Variants in NLRP2 observed in about 807,000 individuals in gnomAD.
NLRP2 encodes NACHT, LRR and PYD domains-containing protein 2.
Under a neutral mutation model 97.2 loss-of-function variants are expected in NLRP2, and 107 were observed. The observed-to-expected ratio is 1.10, with a 90% CI of 0.94 to 1.29. NLRP2 has a LOEUF of 1.29. Among genes scored for constraint, NLRP2 ranks in the 50% most tolerant of loss-of-function variants. NLRP2 has a pLI of 0.00. For missense variants in NLRP2, 1,495 were observed against 1,330.3 expected (o/e 1.12, Z -1.93); for synonymous variants, 663 against 551.5 (o/e 1.20, Z -2.83).
At chr19:54,990,918 A>T (rs752669900) in intron 10 of NLRP2, 4 of 548,906 alleles carry the variant, frequency 7.3e-6, no homozygotes, top group African/African-American at 5.8e-5. Flanking sequence ...TTTCCTCTTT[A>T]TGTATGTATG....
chr19:55,000,401 T>C (rs374223763), intron 12 of NLRP2, among the ~76,000 whole-genome samples: 5 of 141,468 alleles, frequency 3.5e-5, no homozygotes, highest in Non-Finnish European at 7.6e-5. Flanking sequence ...CTCAGCCTCC[T>C]GAGTAGCTGG....
At chr19:54,969,130 A>G (rs2070681065) in intron 1 of NLRP2, among the ~76,000 whole-genome samples, 1 of 152,022 alleles carries the variant, frequency 6.6e-6, no homozygotes, top group African/African-American at 2.4e-5. Context: ...ACTTTGCTAT[A>G]ATGAGAGAGT....
chr19:54,975,695 G>T (rs1237016681), intron 3 of NLRP2, among the ~76,000 whole-genome samples: 1 of 151,732 alleles, frequency 6.6e-6, no homozygotes, highest in Non-Finnish European at 1.5e-5. Flanking sequence ...CTTGTGATCC[G>T]CCCGCCTCGG....
chr19:54,983,636 C>G lies in NLRP2; in HGVS notation c.1938C>G (p.His646Gln), dbSNP rs201621704. 1 of 1,614,174 alleles carries G rather than the reference C, an allele frequency of 6.2e-7. No individual in the cohort carries two copies. The highest frequency in any genetic ancestry group is 8.5e-7 in the Non-Finnish European group (1 of 1,180,046). Residue 646 changes from histidine (H) to glutamine (Q), a missense_variant, in exon 6 of 13, where the codon CAC (histidine) becomes CAG (glutamine). Transcript: ENST00000448584. ...TGCCATCTTCATTCTGCGTCAAGCA[C>G]TGTCGAAACCTGCAGAAAATGTCAC... The part of the protein sequence containing the change: ...DVVPSSFCVK[H>Q]CRNLQKMSLQ...
At chr19:54,997,756 CCTT>C (rs765418699) in intron 12 of NLRP2, among the ~76,000 whole-genome samples, 6 of 150,588 alleles carry the variant, frequency 4.0e-5, no homozygotes, top group Admixed American at 3.3e-4. Flanking sequence ...CACCCGGCCA[CCTT>C]TTTTTTTTTT....
rs1417859318 is a variant in NLRP2 at position 54,981,654 on chromosome 19, TA to T, written c.438del (p.Glu147LysfsTer18). ...ETKGNVICLG[K>X]EVFKGKKPDK... ...CGAAAGGAAATGTCATCTGCCTGGG[TA>T]AAGAAGTCTTTAAAGGAAAAAAGCC... On this transcript the variant is annotated frameshift_variant, in exon 5 of 13. Coordinates refer to ENST00000448584, the MANE Select transcript of NLRP2 (RefSeq NM_017852.5). LOFTEE classifies it high-confidence loss of function. 1 of 1,596,118 alleles carries T rather than the reference TA, an allele frequency of 6.3e-7. No homozygotes were observed. Among genetic ancestry groups the T allele is most frequent in the South Asian group, 1.1e-5 (1 of 90,714 alleles).
intron 10 of NLRP2, among the ~76,000 whole-genome samples, chr19:54,992,504 GTGTGTGT>G (rs1432205061): frequency 6.4e-5 from 9 of 140,362 alleles, no homozygotes; most frequent in South Asian, 4.5e-4. Flanking sequence ...TTGGTTGTGT[GTGTGTGT>G]GGTGTGTGGT....
At chr19:54,991,127 T>A (rs200676055) in intron 10 of NLRP2, 1 of 68,728 alleles carries the variant, frequency 1.5e-5, no homozygotes, top group Non-Finnish European at 3.6e-5. Flanking sequence ...GTAAATGGAA[T>A]TCATTTACTT....
chr19:54,996,738 A>G (rs1233861440), intron 11 of NLRP2, among the ~76,000 whole-genome samples: 1 of 151,434 alleles, frequency 6.6e-6, no homozygotes, highest in Non-Finnish European at 1.5e-5. Context: ...TGCACAAGCT[A>G]TTTCTCTGCC....
chr19:54,965,557 G>C (rs2070336106), upstream of NLRP2, among the ~76,000 whole-genome samples: 2 of 82,220 alleles, frequency 2.4e-5, no homozygotes, highest in Non-Finnish European at 5.0e-5. Context: ...CCGGGTTCAC[G>C]CCATTCTCCT....
intron 2 of NLRP2, among the ~76,000 whole-genome samples, chr19:54,972,093 C>T (rs1057187187): frequency 2.4e-4 from 36 of 151,320 alleles, no homozygotes; most frequent in African/African-American, 6.6e-4. Context: ...CTGCCCGCCT[C>T]GGCCTCCCAA....
chr19:54,972,867 A>C (rs1446908716), intron 2 of NLRP2, among the ~76,000 whole-genome samples: 1 of 151,996 alleles, frequency 6.6e-6, no homozygotes, highest in Non-Finnish European at 1.5e-5. Flanking sequence ...CTGGGTTATG[A>C]GATTGTTGGG....
At chr19:54,973,188 CAAA>C (rs535718658) in intron 2 of NLRP2, among the ~76,000 whole-genome samples, 2 of 131,382 alleles carry the variant, frequency 1.5e-5, no homozygotes, top group African/African-American at 5.7e-5. Flanking sequence ...GACTCCATCT[CAAA>C]AAAAAAAAAC....
chr19:54,989,632 G>A (rs1488063812), intron 8 of NLRP2: 2 of 336,952 alleles, frequency 5.9e-6, no homozygotes, highest in Admixed American at 4.2e-5. Flanking sequence ...TTCAAGTCGG[G>A]GTATAACACA....
chr19:54,972,193 GTTTGT>G, intron 2 of NLRP2, among the ~76,000 whole-genome samples: 1 of 146,168 alleles, frequency 6.8e-6, no homozygotes, highest in South Asian at 2.2e-4. Context: ...TTTTTTTTTT[GTTTGT>G]TTGAGACAAG....
chr19:54,981,727 C>G (rs17781858), intron 5 of NLRP2, 45 bp downstream of exon 5: 153,150 of 1,052,008 alleles, frequency 0.15, 13,319 homozygotes, highest in East Asian at 0.39. Flanking sequence ...TCAGATTTCT[C>G]TTTATAAACT....
chr19:54,998,631 C>CTTTTTTTTTTTTTTTTT (rs1179005483), intron 12 of NLRP2, among the ~76,000 whole-genome samples: 46 of 61,132 alleles, frequency 7.5e-4, no homozygotes, highest in Non-Finnish European at 8.7e-4. Flanking sequence ...TTTTTTTTTC[C>CTTTTTTTTTTTTTTTTT]TTTTTTTTTT....
intron 10 of NLRP2, among the ~76,000 whole-genome samples, chr19:54,991,924 A>T (rs113195458): frequency 7.1e-5 from 9 of 127,306 alleles, no homozygotes; most frequent in African/African-American, 8.8e-5. Flanking sequence ...CATCTCTGGT[A>T]TTTTTTTTTT....
intron 3 of NLRP2, 33 bp downstream of exon 3, chr19:54,974,577 A>G: frequency 1.4e-6 from 2 of 1,418,246 alleles, no homozygotes; most frequent in Non-Finnish European, 2.0e-6. Context: ...TTTATTCTTC[A>G]TGTGAGATCT....
Sources: gnomAD v4.1 joint callset for allele counts (sites outside exome capture counted in the v4.1 genomes callset) on GRCh38, gnomAD v4.1.1 for gene constraint, MANE v1.5 for transcripts, NCBI Gene and HGNC (gene_info 2026-07-23, HGNC 2026-07-21) for gene names.